GINM1: variants seen among roughly 807,000 people sequenced by gnomAD.
GINM1 encodes glycoprotein integral membrane protein 1.
Under a neutral mutation model 37.8 loss-of-function variants are expected in GINM1, and 29 were observed. That is an observed-to-expected ratio of 0.77 (90% CI 0.57 to 1.05). The LOEUF is 1.05. Among genes scored for constraint, GINM1 ranks in the 50% least tolerant of loss-of-function variants. GINM1 has a pLI of 0.00. For synonymous variants in GINM1, 143 were observed against 146.2 expected, an observed-to-expected ratio of 0.98 and a Z score of 0.16; for missense variants, 377 against 397.9, an observed-to-expected ratio of 0.95 and a Z score of 0.45.
At chr6:149,583,554 G>A (rs992400467) in intron 7 of GINM1, among the ~76,000 whole-genome samples, 3 of 151,654 alleles carry the variant, frequency 2.0e-5, no homozygotes, top group African/African-American at 4.8e-5. Flanking sequence ...GCTTGAACCC[G>A]GAAGGCGGAG....
rs146931054 is a variant in GINM1 at position 149,582,158 on chromosome 6, G to A, written c.718-282G>A. 504 of 519,730 alleles carry A rather than the reference G, an allele frequency of 9.7e-4. 1 individual carries two copies. Among genetic ancestry groups the A allele is most frequent in the African/African-American group, 8.9e-3 (467 of 52,186 alleles). 32.2% of individuals were successfully genotyped at this position (519,730 alleles called of 1,614,324 possible). A position where few individuals can be genotyped will look rare whatever the true frequency, so the allele number is the denominator to read the frequency against. On this transcript the variant is annotated intron_variant, in intron 6 of 7. Transcript: ENST00000367419. ...ATTATTTTCACTTGATTTGTAGTTA[G>A]AAAACAATATAAATAATTTTACAGG...
intron 1 of GINM1, among the ~76,000 whole-genome samples, chr6:149,571,293 A>G (rs1251199507): frequency 1.3e-5 from 2 of 150,714 alleles, no homozygotes; most frequent in African/African-American, 4.9e-5. Flanking sequence ...AGCCTGGGCA[A>G]CAGAGCGAGA....
intron 7 of GINM1, among the ~76,000 whole-genome samples, chr6:149,586,430 C>T (rs1045461899): frequency 6.6e-6 from 1 of 152,102 alleles, no homozygotes; most frequent in Non-Finnish European, 1.5e-5. Context: ...CCTATTAGGC[C>T]ACACCTCCAA....
chr6:149,567,385 C>T (rs924986282), intron 1 of GINM1, among the ~76,000 whole-genome samples: 1 of 152,158 alleles, frequency 6.6e-6, no homozygotes. Flanking sequence ...TACACCTCTT[C>T]CTAGTCAAGA....
At chr6:149,576,909 C>T (rs1260616287) in intron 3 of GINM1, among the ~76,000 whole-genome samples, 2 of 152,158 alleles carry the variant, frequency 1.3e-5, no homozygotes, top group African/African-American at 4.8e-5. Context: ...GTTCTGCAGG[C>T]TGTACAGGAA....
At chr6:149,572,782 C>T (rs1003057876) in intron 3 of GINM1, among the ~76,000 whole-genome samples, 179 bp downstream of exon 3, 2 of 152,158 alleles carry the variant, frequency 1.3e-5, no homozygotes, top group Admixed American at 1.3e-4. Context: ...ATTCCTCAGC[C>T]TCCAAAGTAG....
At chr6:149,580,498 G>A in intron 5 of GINM1, 95 bp from the exon 6 acceptor site, 2 of 1,110,118 alleles carry the variant, frequency 1.8e-6, no homozygotes, top group Non-Finnish European at 1.3e-6. Context: ...TAAAATATGT[G>A]TTCTTACTAT....
intron 7 of GINM1, among the ~76,000 whole-genome samples, chr6:149,587,699 C>T (rs1295248294): frequency 1.3e-5 from 2 of 152,176 alleles, no homozygotes; most frequent in Non-Finnish European, 2.9e-5. Flanking sequence ...CAGAAGCTCT[C>T]CAAAGCTAGT....
chr6:149,583,846 T>G (rs960901469), intron 7 of GINM1, among the ~76,000 whole-genome samples: 3 of 152,134 alleles, frequency 2.0e-5, no homozygotes, highest in Non-Finnish European at 2.9e-5. Flanking sequence ...CTCTAATGAG[T>G]GGGAATGAGA....
rs776994605 is a variant in GINM1 at position 149,582,560 on chromosome 6, G to C, written c.838G>C (p.Val280Leu). 2 of 1,605,874 alleles carry C rather than the reference G, an allele frequency of 1.2e-6. No individual in the cohort carries two copies. The highest frequency in any genetic ancestry group is 2.7e-5 in the African/African-American group (2 of 74,504). ...MVVGITGAAVVITILKVFFPV... is the reference protein window; with the variant it reads ...MVVGITGAAVLITILKVFFPV... ...GGTTGGAATTACAGGAGCAGCTGTG[G>C]TAATAACCATCTTAAAGGTGTTTTT... Residue 280 changes from valine (V) to leucine (L), a missense_variant, in exon 7 of 8, where the codon GTA becomes CTA. Val to Leu is a conservative substitution (Grantham distance 32). Coordinates refer to ENST00000367419, the MANE Select transcript of GINM1 (RefSeq NM_138785.5).
At position 149,566,491 on chromosome 6, in the gene GINM1, C is replaced by G; in HGVS notation, c.77C>G (p.Thr26Arg). The G allele has an allele frequency of 1.3e-6, 2 of 1,543,814 alleles. No homozygotes were observed. Among genetic ancestry groups the G allele is most frequent in the East Asian group, 2.5e-5 (1 of 40,492 alleles). ...FVALPASGWLTTGAPEPPPLS... is the reference protein window; with the variant it reads ...FVALPASGWLRTGAPEPPPLS... ...GCGCTACCCGCCTCCGGCTGGCTGA[C>G]GACGGGCGCCCCCGAGCCGCCGCCG... The change falls in exon 1 of 8, where the codon ACG becomes AGG. Residue 26 changes from threonine to arginine, a missense_variant. Physicochemically the swap from Thr to Arg is moderately conservative, Grantham distance 71 (BLOSUM62 -1). Coordinates refer to ENST00000367419, the MANE Select transcript of GINM1 (RefSeq NM_138785.5). This position sits in a 1 kb window ranked among gnomAD's most constrained non-coding sequence, Gnocchi z 4.4.
At chr6:149,570,170 ATATATATATATATATATATATATATAT>A (rs1777793507) in intron 1 of GINM1, among the ~76,000 whole-genome samples, 1 of 84,918 alleles carries the variant, frequency 1.2e-5, no homozygotes, top group Non-Finnish European at 2.4e-5. Context: ...ATATATATAT[ATATATATATATATATATATATATATAT>A]AAAGTTCAGT....
intron 1 of GINM1, among the ~76,000 whole-genome samples, chr6:149,567,115 C>T (rs904748447): frequency 6.6e-6 from 1 of 152,138 alleles, no homozygotes; most frequent in Non-Finnish European, 1.5e-5. Context: ...CGGCGGTGTC[C>T]GCATCCCCTG....
chr6:149,590,700 A>T lies in GINM1; in HGVS notation c.882-27A>T, dbSNP rs370644193. ...CAGGCAGAGGAAACATTTAATTTTG[A>T]TAGTAATTAATCACTTTCTATTTCA... On this transcript the variant is annotated intron_variant, in intron 7 of 7. Transcript: ENST00000367419. The T allele has an allele frequency of 7.0e-6, 8 of 1,135,472 alleles. No homozygotes were observed. The African/African-American group carries it at 1.2e-4, about 17-fold the overall frequency. The allele number at this position is 1,135,472 out of a possible 1,614,324, so 70.3% of individuals were successfully genotyped here.
rs1411894477 is a variant in GINM1 at position 149,579,985 on chromosome 6, A to G, written c.581A>G (p.Lys194Arg). 2 of 1,573,874 alleles carry G rather than the reference A, an allele frequency of 1.3e-6. No homozygotes were observed. The highest frequency in any genetic ancestry group is 2.3e-5 in the South Asian group (2 of 85,122). The change falls in exon 5 of 8, where the codon AAA becomes AGA. Residue 194 changes from lysine (K) to arginine (R), a missense_variant. Transcript: ENST00000367419. The stretch of plus-strand genomic sequence containing the variant: ...TTATTTACCCTTCCTAACCTCTCCA[A>G]AAAAGGTAACTTAAAAGACCATTAT... ...DILFTLPNLS[K>R]KESVSSLQTT...
intron 2 of GINM1, 78 bp downstream of exon 2, chr6:149,572,422 C>G: frequency 7.9e-7 from 1 of 1,259,856 alleles, no homozygotes; most frequent in South Asian, 1.3e-5. Context: ...ACTTGCACGT[C>G]TCATTTAGTT....
intron 3 of GINM1, among the ~76,000 whole-genome samples, chr6:149,576,726 G>A (rs1025009038): frequency 6.6e-6 from 1 of 152,196 alleles, no homozygotes; most frequent in African/African-American, 2.4e-5. Flanking sequence ...GTCATTGAGG[G>A]GCATTTTTGA....
chr6:149,579,456 C>A (rs1317409431), intron 4 of GINM1, among the ~76,000 whole-genome samples: 2 of 151,980 alleles, frequency 1.3e-5, no homozygotes, highest in Non-Finnish European at 2.9e-5. Flanking sequence ...TTTGGGAGGC[C>A]AAGGTGGACG....
At chr6:149,585,814 G>A (rs1469452547) in intron 7 of GINM1, among the ~76,000 whole-genome samples, 1 of 152,114 alleles carries the variant, frequency 6.6e-6, no homozygotes, top group Admixed American at 6.5e-5. Context: ...GGATGGTCTT[G>A]ATCCCCTGAC....
Sources: allele counts gnomAD v4.1 joint callset (sites outside exome capture counted in the v4.1 genomes callset), GRCh38; gene constraint gnomAD v4.1.1; non-coding constraint Gnocchi (gnomAD v3.1); transcripts MANE v1.5; gene names NCBI Gene and HGNC (gene_info 2026-07-23, HGNC 2026-07-21).